The following TRIM66 variants were observed in gnomAD, a reference collection of about 807,000 sequenced individuals.
TRIM66 encodes tripartite motif containing 66.
In TRIM66, 99 loss-of-function variants were observed where a neutral mutation model predicts 148.2. That is an observed-to-expected ratio of 0.67 (90% confidence interval 0.57 to 0.79). The LOEUF (loss-of-function observed/expected upper bound fraction) is 0.79, where lower values mean the gene tolerates loss of function less well. TRIM66 is among the 30% of genes least tolerant of loss of function. The pLI is 0.00. For synonymous variants in TRIM66, 616 were observed against 635.9 expected (o/e 0.97, Z 0.47); for missense variants, 1,666 against 1,697.9 (o/e 0.98, Z 0.33).
chr11:8,673,040 C>G (rs561777941), intron 4 of TRIM66, among the ~76,000 whole-genome samples: 1 of 151,136 alleles, frequency 6.6e-6, no homozygotes, highest in Admixed American at 6.6e-5. Context: ...CCCAGGTTCA[C>G]GCCATTCTTC....
At chr11:8,627,162 A>G (rs1038613753) in intron 15 of TRIM66, among the ~76,000 whole-genome samples, 2 of 152,244 alleles carry the variant, frequency 1.3e-5, no homozygotes, top group African/African-American at 4.8e-5. Context: ...AAACTCCATT[A>G]GGGTACGGAT....
At chr11:8,666,295 C>T (rs1036344957) in intron 6 of TRIM66, among the ~76,000 whole-genome samples, 8 of 141,678 alleles carry the variant, frequency 5.6e-5, no homozygotes, top group Middle Eastern at 3.8e-3. Flanking sequence ...GCCAAGATCG[C>T]GCCATTGCAA....
At chr11:8,676,071 A>G (rs1263658579) in intron 3 of TRIM66, among the ~76,000 whole-genome samples, 1 of 152,216 alleles carries the variant, frequency 6.6e-6, no homozygotes, top group East Asian at 1.9e-4. Flanking sequence ...CTTGCAACTC[A>G]ATAGCACAAG....
intron 10 of TRIM66, among the ~76,000 whole-genome samples, chr11:8,647,567 T>G (rs928377828): frequency 1.3e-5 from 2 of 152,214 alleles, no homozygotes; most frequent in African/African-American, 4.8e-5. Flanking sequence ...TTCATGTGAC[T>G]TGTAGATTTA....
At chr11:8,646,663 G>A (rs181422697) in intron 10 of TRIM66, 102 bp from the exon 11 acceptor site, 1 of 852,272 alleles carries the variant, frequency 1.2e-6, no homozygotes, top group African/African-American at 1.7e-5. Context: ...TGCCTACTGA[G>A]ATCAGGGCCT....
In TRIM66 at chr11:8,674,836, T is replaced by C. The variant is rs545824807; in HGVS notation, c.-142A>G. On this transcript the variant is annotated 5_prime_UTR_variant, in exon 4 of 25. Transcript: ENST00000646038. The stretch of plus-strand genomic sequence containing the variant: ...TCTGCAGTCAATCTGTTATATGTTG[T>C]TTTGTTCACAGTATATGAGGAAAAT... 4 of 152,372 alleles carry C rather than the reference T, an allele frequency of 2.6e-5. No individual in the cohort carries two copies. In the South Asian group the frequency reaches 8.3e-4, roughly 32 times the overall value. The allele number at this position is 152,372 out of a possible 1,614,324, so 9.4% of individuals were successfully genotyped here.
intron 6 of TRIM66, chr11:8,658,664 C>A (rs1347082963): frequency 2.6e-5 from 16 of 606,158 alleles, no homozygotes; most frequent in Non-Finnish European, 3.3e-5. Flanking sequence ...GCCTGCACAG[C>A]CAGAGCTCAA....
intron 7 of TRIM66, among the ~76,000 whole-genome samples, chr11:8,651,186 T>C (rs1368611431): frequency 6.6e-6 from 1 of 152,138 alleles, no homozygotes; most frequent in Non-Finnish European, 1.5e-5. Flanking sequence ...TATGGGTCGA[T>C]CTCCCTAATA....
At position 8,674,881 on chromosome 11, in the gene TRIM66, C is replaced by A. The variant is rs903615230; in HGVS notation, c.-187G>T. Reference sequence around the variant, plus strand: ...GAAAATCCAGTCTCACACAGACATACAGCTGGAAAAGATAGGAGTACTTTA... The same window carrying A: ...GAAAATCCAGTCTCACACAGACATAAAGCTGGAAAAGATAGGAGTACTTTA... On this transcript the variant is annotated splice_region_variant and 5_prime_UTR_variant, in exon 4 of 25. Transcript: ENST00000646038. 7.9e-5 allele frequency: 12 copies of A among 152,174 alleles called. No individual in the cohort carries two copies. The highest frequency in any genetic ancestry group is 2.4e-4 in the African/African-American group (10 of 41,434). 9.4% of individuals were successfully genotyped at this position (152,174 alleles called of 1,614,324 possible).
At chr11:8,651,942 G>T in intron 6 of TRIM66, 39 bp from the exon 7 acceptor site, 1 of 1,500,868 alleles carries the variant, frequency 6.7e-7, no homozygotes, top group South Asian at 1.2e-5. Flanking sequence ...AGGGCAACAT[G>T]GCTGATTATA....
rs1355115727 is a variant in TRIM66 at position 8,643,019 on chromosome 11, T to C, written c.1212A>G (p.Leu404=). 1.3e-6 allele frequency: 2 copies of C among 1,550,480 alleles called. No homozygotes were observed. The highest frequency in any genetic ancestry group is 2.4e-5 in the East Asian group (1 of 40,878). ...TWEPNFWTKQ[L]ASLGCITTEG... ...TGGGTCCAAGCTCACCAAGAGAAGC[T>C]AGCTGCTTGGTCCAGAAGTTAGGCT... Residue 404 remains leucine (L), a synonymous_variant, in exon 13 of 25, where the codon CTA becomes CTG. Coordinates refer to ENST00000646038, the MANE Select transcript of TRIM66 (RefSeq NM_001388022.1).
chr11:8,626,033 G>T (rs1219368515), intron 15 of TRIM66, among the ~76,000 whole-genome samples: 1 of 152,176 alleles, frequency 6.6e-6, no homozygotes, highest in Non-Finnish European at 1.5e-5. Context: ...AGGCAGTAAT[G>T]TTCTGACTCC....
chr11:8,681,637 GAGCGAAGACATGCTGCTATT>G (rs1275929118), intron 1 of TRIM66, among the ~76,000 whole-genome samples: 1 of 139,012 alleles, frequency 7.2e-6, no homozygotes, highest in Non-Finnish European at 1.7e-5. Context: ...ACCGACTTAA[GAGCGAAGACATGCTGCTATT>G]AGCGAAGACA....
rs1003652567 is a variant in TRIM66 at position 8,620,086 on chromosome 11, G to A, written c.3711C>T (p.Asn1237=). 11 of 1,551,602 alleles carry A rather than the reference G, an allele frequency of 7.1e-6. No individual in the cohort carries two copies. The highest frequency in any genetic ancestry group is 7.8e-6 in the Non-Finnish European group (9 of 1,146,994). The part of the protein sequence containing the change: ...EKLVLSLCCN[N]LSLPFHEPVS... ...CAGGTTCATGGAAGGGCAGGCTGAG[G>A]TTATTGCAGCACAAGGACAATACCA... is the stretch of plus-strand genomic sequence containing the variant. Residue 1237 remains asparagine, a synonymous_variant, in exon 22 of 25, where the codon AAC becomes AAT. Transcript: ENST00000646038.
chr11:8,620,664 G>A (rs928053373), intron 20 of TRIM66, 92 bp from the exon 21 acceptor site: 11 of 1,480,674 alleles, frequency 7.4e-6, no homozygotes, highest in Middle Eastern at 1.8e-4. Flanking sequence ...GTGAGAAACT[G>A]AGTCTCCGGC....
At chr11:8,620,607 C>T (rs1467378691) in intron 20 of TRIM66, 35 bp from the exon 21 acceptor site, 1 of 1,547,096 alleles carries the variant, frequency 6.5e-7, no homozygotes, top group African/African-American at 1.4e-5. Context: ...TAGGCCTCAG[C>T]ACATTGCCCA....
chr11:8,646,815 T>C (rs910496990), intron 10 of TRIM66, among the ~76,000 whole-genome samples: 2 of 152,138 alleles, frequency 1.3e-5, no homozygotes, highest in Admixed American at 6.5e-5. Flanking sequence ...AGCCCACCAG[T>C]TGACACAGCA....
chr11:8,646,368 G>T, intron 11 of TRIM66, 79 bp downstream of exon 11: 1 of 1,179,744 alleles, frequency 8.5e-7, no homozygotes, highest in Non-Finnish European at 1.2e-6. Context: ...TACAGCCTAG[G>T]CTTCCCTAGG....
intron 15 of TRIM66, among the ~76,000 whole-genome samples, chr11:8,625,462 ATT>A (rs1565485084): frequency 4.6e-5 from 2 of 43,570 alleles, no homozygotes; most frequent in South Asian, 1.4e-3. Context: ...GCGGAGAACT[ATT>A]GTGTGTGTGT....
Sources: gnomAD v4.1 joint callset for allele counts (sites outside exome capture counted in the v4.1 genomes callset) on GRCh38, gnomAD v4.1.1 for gene constraint, MANE v1.5 for transcripts, NCBI Gene and HGNC (gene_info 2026-07-23, HGNC 2026-07-21) for gene names.